The following ARID1B variants were observed in gnomAD, a reference collection of about 807,000 sequenced individuals.
The protein encoded by ARID1B is AT-rich interactive domain-containing protein 1B.
A neutral mutation model predicts 212.3 loss-of-function variants in ARID1B; 30 were observed. The observed-to-expected ratio is 0.14, with a 90% CI of 0.11 to 0.19. The LOEUF (loss-of-function observed/expected upper bound fraction) is 0.19. ARID1B is among the 10% of genes least tolerant of loss of function. The probability of loss-of-function intolerance (pLI) is 1.00; values close to 1 mark genes in which losing one functional copy is unlikely to be tolerated. For synonymous variants in ARID1B, 1,402 were observed against 1,301.7 expected (o/e 1.08, Z -1.66); for missense variants, 2,891 against 3,204.0 (o/e 0.90, Z 2.36).
intron 8 of ARID1B, among the ~76,000 whole-genome samples, chr6:157,165,641 G>A (rs1174118547): frequency 1.3e-5 from 2 of 152,246 alleles, no homozygotes; most frequent in Non-Finnish European, 1.5e-5. Flanking sequence ...TTGAGCTTAG[G>A]AGTTCGAGAC....
At chr6:157,087,853 T>A (rs993279131) in intron 5 of ARID1B, among the ~76,000 whole-genome samples, 1 of 151,784 alleles carries the variant, frequency 6.6e-6, no homozygotes, top group Admixed American at 6.6e-5. Flanking sequence ...CTGAGAAGGT[T>A]AAGAGGAAGA....
intron 3 of ARID1B, among the ~76,000 whole-genome samples, chr6:156,934,641 G>A (rs1303261407): frequency 6.6e-6 from 1 of 152,004 alleles, no homozygotes; most frequent in African/African-American, 2.4e-5. Flanking sequence ...ACGCTGTTAT[G>A]TGGGTAATTG....
At chr6:157,074,830 A>G (rs1019495021) in intron 4 of ARID1B, among the ~76,000 whole-genome samples, 1 of 152,144 alleles carries the variant, frequency 6.6e-6, no homozygotes, top group Non-Finnish European at 1.5e-5. Flanking sequence ...GTAATTATTT[A>G]TAAAGGTGAG....
intron 4 of ARID1B, among the ~76,000 whole-genome samples, chr6:156,997,242 G>T (rs1226898673): frequency 6.6e-6 from 1 of 152,134 alleles, no homozygotes; most frequent in Non-Finnish European, 1.5e-5. Flanking sequence ...GAATTTAGAG[G>T]TTGGATACTT....
intron 11 of ARID1B, among the ~76,000 whole-genome samples, chr6:157,178,945 G>A (rs143407058): frequency 0.013 from 2,045 of 152,254 alleles, 51 homozygotes; most frequent in African/African-American, 0.047. Flanking sequence ...CTTACAAACA[G>A]GATATTGGTT....
chr6:156,983,466 G>A (rs111551070), intron 4 of ARID1B, among the ~76,000 whole-genome samples: 8 of 152,280 alleles, frequency 5.3e-5, no homozygotes, highest in African/African-American at 1.9e-4. Context: ...GGACAGGTAG[G>A]CATTTCTTTG....
Position 157,201,064 on chromosome 6 carries a change from C to T in ARID1B, c.4839C>T (p.Tyr1613=), listed in dbSNP as rs1554235792. ...GCGGCCCTACACAGGCGCCCCCTTA[C>T]CCAGGCATGAACCGCACAGACGATA... The part of the protein sequence containing the change: ...GPGGPTQAPP[Y]PGMNRTDDMM... Residue 1613 remains tyrosine, a synonymous_variant, in exon 18 of 20, where the codon TAC becomes TAT. Transcript: ENST00000636930. This position sits in a 1 kb window ranked among gnomAD's most constrained non-coding sequence, Gnocchi z 5.2. 1 of 1,613,996 alleles carries T rather than the reference C, an allele frequency of 6.2e-7. No individual in the cohort carries two copies. The highest frequency in any genetic ancestry group is 8.5e-7 in the Non-Finnish European group (1 of 1,179,892).
rs2128376464 is a variant in ARID1B, at chr6:157,201,387, A to C, written c.5162A>C (p.Gln1721Pro). The change falls in exon 18 of 20, where the codon CAA (glutamine) becomes CCA (proline). Residue 1721 changes from glutamine to proline, a missense_variant. Coordinates refer to ENST00000636930, the MANE Select transcript of ARID1B (RefSeq NM_001374828.1). This position sits in a 1 kb window ranked among gnomAD's most constrained non-coding sequence, Gnocchi z 5.2. ...PTSQVTGPPP[Q>P]PPPIRREITF... Reference sequence around the variant, plus strand: ...TCCCAGGTCACCGGGCCACCACCCCAACCACCCCCAATCAGAAGGGAGATC... The same window carrying C: ...TCCCAGGTCACCGGGCCACCACCCCCACCACCCCCAATCAGAAGGGAGATC... 1 of 1,602,858 alleles carries C rather than the reference A, an allele frequency of 6.2e-7. No individual in the cohort carries two copies. The highest frequency in any genetic ancestry group is 8.5e-7 in the Non-Finnish European group (1 of 1,172,584).
chr6:157,014,674 A>C (rs1045466996), intron 4 of ARID1B, among the ~76,000 whole-genome samples: 6 of 152,206 alleles, frequency 3.9e-5, no homozygotes, highest in Admixed American at 6.5e-5. Flanking sequence ...GGTGATACCA[A>C]CACCATTGAA....
chr6:157,172,118 C>T (rs969507779), intron 9 of ARID1B, among the ~76,000 whole-genome samples: 2 of 152,206 alleles, frequency 1.3e-5, no homozygotes. Context: ...ACATAAGCCC[C>T]TCTTTTCGCA....
intron 6 of ARID1B, among the ~76,000 whole-genome samples, chr6:157,116,866 G>A (rs549928172): frequency 1.1e-4 from 17 of 152,156 alleles, no homozygotes; most frequent in Non-Finnish European, 2.5e-4. Context: ...CGCTGTACCT[G>A]ATTGAAAATT....
At position 156,777,692 on chromosome 6, in the gene ARID1B, G is replaced by GGCA. The variant is rs557453022; in HGVS notation, c.18_20dup (p.Ala14dup). On this transcript the variant is annotated inframe_insertion, in exon 1 of 20. Transcript: ENST00000636930. ...ACGCCGCGGCGATCATGGCCGCGCG[G>GGCA]GCAGCAGCGGCGGCGGCGGCGGCGG... The GGCA allele has an allele frequency of 0.05, 7,474 of 148,240 alleles. 237 individuals carry two copies. The highest frequency in any genetic ancestry group is 0.11 in the Middle Eastern group (32 of 296). The allele number at this position is 148,240 out of a possible 1,614,324, so 9.2% of individuals were successfully genotyped here. A position where few individuals can be genotyped will look rare whatever the true frequency, so the allele number is the denominator to read the frequency against.
rs557193233 is a variant in ARID1B, at chr6:157,073,519, G to A, written c.2248-11143G>A. ...TAAAAACAGTATGTGTCAGAACTGT[G>A]TTAATATGTGGATGTATGTATTTAT... is the stretch of plus-strand genomic sequence containing the variant. On this transcript the variant is annotated intron_variant, in intron 4 of 19. Transcript: ENST00000636930. Among the ~76,000 whole-genome samples, 4 of 152,304 alleles carry A rather than the reference G, an allele frequency of 2.6e-5. No individual in the cohort carries two copies. The East Asian group carries it at 7.7e-4, about 29-fold the overall frequency.
rs149558031 is a variant in ARID1B at position 157,095,807 on chromosome 6, A to T, written c.2491+10902A>T. On this transcript the variant is annotated intron_variant, in intron 5 of 19. Coordinates refer to ENST00000636930, the MANE Select transcript of ARID1B (RefSeq NM_001374828.1). Reference sequence around the variant, plus strand: ...AATTGTTACCTGAAGTTCATTTCACATGAAATCCAAGAATCATGTTATTTT... The same window carrying T: ...AATTGTTACCTGAAGTTCATTTCACTTGAAATCCAAGAATCATGTTATTTT... 6.0e-3 allele frequency among the ~76,000 whole-genome samples: 919 copies of T among 152,130 alleles called. 11 individuals are homozygous for T. The highest frequency in any genetic ancestry group is 0.021 in the African/African-American group (853 of 41,498).
At chr6:157,189,160 G>A (rs1793182182) in intron 13 of ARID1B, among the ~76,000 whole-genome samples, 1 of 152,148 alleles carries the variant, frequency 6.6e-6, no homozygotes, top group South Asian at 2.1e-4. Context: ...ATTTCACATT[G>A]TCTAAGACCC....
chr6:157,006,486 C>A (rs112082401), intron 4 of ARID1B, among the ~76,000 whole-genome samples: 175 of 152,248 alleles, frequency 1.1e-3, no homozygotes, highest in African/African-American at 4.1e-3. Context: ...GAGAGCAGTA[C>A]CAGTTAAGCA....
intron 5 of ARID1B, among the ~76,000 whole-genome samples, chr6:157,092,627 C>T (rs931542383): frequency 6.6e-6 from 1 of 152,232 alleles, no homozygotes; most frequent in Non-Finnish European, 1.5e-5. Flanking sequence ...TTCTCCTCTT[C>T]TTTCTCCCAC....
At chr6:156,995,555 G>A (rs1021663954) in intron 4 of ARID1B, among the ~76,000 whole-genome samples, 1 of 152,166 alleles carries the variant, frequency 6.6e-6, no homozygotes, top group African/African-American at 2.4e-5. Context: ...TACTGTACTA[G>A]GAACTGAACA....
At chr6:157,122,424 G>T (rs987381985) in intron 6 of ARID1B, among the ~76,000 whole-genome samples, 1 of 152,100 alleles carries the variant, frequency 6.6e-6, no homozygotes, top group Non-Finnish European at 1.5e-5. Flanking sequence ...CACTACCCCT[G>T]TCTTTAGCTA....
Sources: allele counts gnomAD v4.1 joint callset (sites outside exome capture counted in the v4.1 genomes callset), GRCh38; gene constraint gnomAD v4.1.1; non-coding constraint Gnocchi (gnomAD v3.1); transcripts MANE v1.5; gene names NCBI Gene and HGNC (gene_info 2026-07-23, HGNC 2026-07-21).